CACNA2D1: variants seen among roughly 807,000 people sequenced by gnomAD.
CACNA2D1 encodes the protein calcium voltage-gated channel auxiliary subunit alpha2delta 1.
In CACNA2D1, 53 loss-of-function variants were observed where a neutral mutation model predicts 171.5. That is an observed-to-expected ratio of 0.31 (90% confidence interval 0.25 to 0.39). CACNA2D1 has a LOEUF of 0.39. Ranked by LOEUF, CACNA2D1 falls within the 10% of genes least tolerant of loss-of-function variation. The pLI is 1.00. For synonymous variants in CACNA2D1, 442 were observed against 443.1 expected (o/e 1.00, Z 0.03); for missense variants, 903 against 1,299.8 (o/e 0.69, Z 4.69).
chr7:82,436,586 C>T (rs1830133019), intron 1 of CACNA2D1, among the ~76,000 whole-genome samples: 1 of 152,094 alleles, frequency 6.6e-6, no homozygotes, highest in East Asian at 1.9e-4. Flanking sequence ...TCCAATATAA[C>T]CAAGCTCATA....
At chr7:82,381,176 TG>T (rs1220005973) in intron 1 of CACNA2D1, among the ~76,000 whole-genome samples, 1 of 151,774 alleles carries the variant, frequency 6.6e-6, no homozygotes, top group African/African-American at 2.4e-5. Context: ...TAACTGGCCG[TG>T]GTGGCGGGCC....
At chr7:82,267,984 G>A (rs1198268944) in intron 3 of CACNA2D1, among the ~76,000 whole-genome samples, 1 of 152,072 alleles carries the variant, frequency 6.6e-6, no homozygotes, top group Non-Finnish European at 1.5e-5. Flanking sequence ...GTGACAGAGT[G>A]AGACTCCATC....
At chr7:81,983,177 G>C in intron 23 of CACNA2D1, 137 bp downstream of exon 23, 1 of 718,440 alleles carries the variant, frequency 1.4e-6, no homozygotes, top group Non-Finnish European at 2.4e-6. Context: ...TTTTTTTGCT[G>C]CTAAGTTTTG....
At chr7:82,151,273 A>G (rs916629308) in intron 4 of CACNA2D1, among the ~76,000 whole-genome samples, 1 of 152,178 alleles carries the variant, frequency 6.6e-6, no homozygotes, top group Non-Finnish European at 1.5e-5. Context: ...TTCAAAATGC[A>G]TAATTGTTTA....
chr7:82,048,346 G>T (rs1804793250), intron 10 of CACNA2D1, among the ~76,000 whole-genome samples: 1 of 152,104 alleles, frequency 6.6e-6, no homozygotes. Flanking sequence ...ATTTTAAAGT[G>T]TGCAATAAAC....
At chr7:82,389,949 G>C (rs1824905505) in intron 1 of CACNA2D1, among the ~76,000 whole-genome samples, 1 of 152,146 alleles carries the variant, frequency 6.6e-6, no homozygotes, top group African/African-American at 2.4e-5. Flanking sequence ...GTTGTTACTT[G>C]AGTTTTTAAA....
chr7:82,227,585 C>G (rs1409901812), intron 3 of CACNA2D1, among the ~76,000 whole-genome samples: 1 of 152,104 alleles, frequency 6.6e-6, no homozygotes, highest in Admixed American at 6.5e-5. Context: ...ATTCCTTGGA[C>G]TAACATAGCT....
intron 24 of CACNA2D1, among the ~76,000 whole-genome samples, chr7:81,975,508 C>A (rs542706559): frequency 1.4e-4 from 21 of 151,950 alleles, no homozygotes; most frequent in Non-Finnish European, 1.6e-4. Flanking sequence ...TCAGATATTG[C>A]GGCTGTTCTG....
At chr7:82,173,614 C>G (rs1230035673) in intron 3 of CACNA2D1, among the ~76,000 whole-genome samples, 1 of 151,082 alleles carries the variant, frequency 6.6e-6, no homozygotes, top group Non-Finnish European at 1.5e-5. Flanking sequence ...TGCTACAAAC[C>G]AGCCGGTCAT....
chr7:82,405,793 G>A (rs1020943431), intron 1 of CACNA2D1, among the ~76,000 whole-genome samples: 3 of 152,114 alleles, frequency 2.0e-5, no homozygotes, highest in Non-Finnish European at 4.4e-5. Context: ...TAGTTTAGAT[G>A]CCTGTGCTAC....
intron 3 of CACNA2D1, among the ~76,000 whole-genome samples, chr7:82,310,099 A>G (rs946455047): frequency 2.6e-5 from 4 of 152,076 alleles, no homozygotes; most frequent in Non-Finnish European, 5.9e-5. Context: ...TAGATCTGTC[A>G]ATTAAAAACT....
chr7:82,298,881 G>A (rs2129423161), intron 3 of CACNA2D1, among the ~76,000 whole-genome samples: 1 of 152,138 alleles, frequency 6.6e-6, no homozygotes, highest in South Asian at 2.1e-4. Context: ...TGGCCAATAT[G>A]GTGAAACCCC....
chr7:82,000,771 C>CTTTTTTT lies in CACNA2D1; in HGVS notation c.1591-3528_1591-3522dup, dbSNP rs774565705. On this transcript the variant is annotated intron_variant, in intron 18 of 38. Transcript: ENST00000356860. ...TACCATGCCTAACTAATTTTTCTTTCTTTTTTTTTTTTTTTTTTTTTTTTT... is the reference window on the plus strand; with the variant it reads ...TACCATGCCTAACTAATTTTTCTTTCTTTTTTTTTTTTTTTTTTTTTTTTTTTTTTTT... Among the ~76,000 whole-genome samples the CTTTTTTT allele has an allele frequency of 4.0e-3, 210 of 51,970 alleles. 40 individuals are homozygous for CTTTTTTT. Among genetic ancestry groups the CTTTTTTT allele is most frequent in the Middle Eastern group, 0.023 (1 of 44 alleles). 34.1% of individuals were successfully genotyped at this position (51,970 alleles called of 152,430 possible). A position where few individuals can be genotyped will look rare whatever the true frequency, so the allele number is the denominator to read the frequency against.
intron 4 of CACNA2D1, among the ~76,000 whole-genome samples, chr7:82,152,267 C>T (rs1185232740): frequency 2.4e-5 from 3 of 123,182 alleles, no homozygotes; most frequent in East Asian, 5.0e-4. Context: ...ACTGCCCCCC[C>T]ACCCCCCAAA....
chr7:81,965,620 C>T lies in CACNA2D1; in HGVS notation c.2548G>A (p.Ala850Thr). 6.3e-7 allele frequency: 1 copy of T among 1,588,944 alleles called. No individual in the cohort carries two copies. Among genetic ancestry groups the T allele is most frequent in the Non-Finnish European group, 8.6e-7 (1 of 1,157,870 alleles). ...ILDDGGFLLMANHDDYTNQIG... is the reference protein window; with the variant it reads ...ILDDGGFLLMTNHDDYTNQIG... The stretch of plus-strand genomic sequence containing the variant: ...TGATTAGTATAATCATCATGATTTG[C>T]CATCAGAAGAAACCCACCATCATCC... The change falls in exon 32 of 39, where the codon GCA becomes ACA. Residue 850 changes from alanine (A) to threonine (T), a missense_variant. Around this residue, in one of 5 missense-constraint regions of CACNA2D1, gnomAD observed 623 missense variants for 925.5 expected, o/e 0.67. Transcript: ENST00000356860.
chr7:81,968,998 A>T (rs768018213), intron 28 of CACNA2D1, 25 bp from the exon 29 acceptor site: 2 of 1,193,564 alleles, frequency 1.7e-6, no homozygotes, highest in Non-Finnish European at 2.5e-6. Context: ...AATAAATAAA[A>T]CACCTATCAA....
intron 19 of CACNA2D1, among the ~76,000 whole-genome samples, chr7:81,995,862 A>G (rs1797995542): frequency 6.6e-6 from 1 of 151,790 alleles, no homozygotes; most frequent in Non-Finnish European, 1.5e-5. Flanking sequence ...TCGACTGGCA[A>G]TTCTCAGAAG....
intron 3 of CACNA2D1, among the ~76,000 whole-genome samples, chr7:82,280,337 T>C (rs796838539): frequency 2.6e-5 from 4 of 152,276 alleles, no homozygotes; most frequent in African/African-American, 9.6e-5. Context: ...AATTATAATT[T>C]TCAGAATTCC....
chr7:82,289,421 T>C (rs1200934848), intron 3 of CACNA2D1, among the ~76,000 whole-genome samples: 4 of 152,176 alleles, frequency 2.6e-5, no homozygotes, highest in Non-Finnish European at 5.9e-5. Context: ...CAACTGAAAT[T>C]GTTTGTGGAC....
Sources: allele counts gnomAD v4.1 joint callset (sites outside exome capture counted in the v4.1 genomes callset), GRCh38; gene constraint gnomAD v4.1.1; regional missense constraint gnomAD v4.1.1; transcripts MANE v1.5; gene names NCBI Gene and HGNC (gene_info 2026-07-23, HGNC 2026-07-21).